SV2C: variants seen among roughly 807,000 people sequenced by gnomAD.
The protein encoded by SV2C is synaptic vesicle glycoprotein 2C, also known as solute carrier family 22 member B3.
In SV2C, 49 loss-of-function variants were observed where a neutral mutation model predicts 79.7. The ratio of observed to expected loss-of-function variants is 0.61; its 90% CI spans 0.49 to 0.78. SV2C has a LOEUF of 0.78. Among genes scored for constraint, SV2C ranks in the 30% least tolerant of loss-of-function variants. The probability of loss-of-function intolerance (pLI) is 0.00; values close to 1 mark genes in which losing one functional copy is unlikely to be tolerated. For synonymous variants in SV2C, 334 were observed against 333.2 expected, an observed-to-expected ratio of 1.00 and a Z score of -0.03; for missense variants, 833 against 912.9, an observed-to-expected ratio of 0.91 and a Z score of 1.13.
intron 1 of SV2C, among the ~76,000 whole-genome samples, chr5:76,093,503 C>T (rs1197678913): frequency 6.6e-6 from 1 of 152,202 alleles, no homozygotes; most frequent in Admixed American, 6.5e-5. Flanking sequence ...AATTCTAAGC[C>T]CCTCATGAGC....
chr5:76,309,614 A>C (rs1311073848), intron 12 of SV2C, among the ~76,000 whole-genome samples: 3 of 148,772 alleles, frequency 2.0e-5, no homozygotes, highest in East Asian at 3.9e-4. Flanking sequence ...AAAAAAAAAA[A>C]AAAAAAAAAA....
chr5:76,006,808 C>T, the SV2C span, among the ~76,000 whole-genome samples: 1 of 151,896 alleles, frequency 6.6e-6, no homozygotes, highest in Non-Finnish European at 1.5e-5. Flanking sequence ...CTCTGATATT[C>T]TACAGCTTCC....
chr5:76,188,776 G>A (rs2112315775), intron 2 of SV2C, among the ~76,000 whole-genome samples: 1 of 151,804 alleles, frequency 6.6e-6, no homozygotes, highest in East Asian at 2.0e-4. Context: ...AGATGTTACA[G>A]CCTACTTAGC....
chr5:76,021,232 C>A, the SV2C span, among the ~76,000 whole-genome samples: 1 of 152,138 alleles, frequency 6.6e-6, no homozygotes, highest in Non-Finnish European at 1.5e-5. Context: ...AACAATAATG[C>A]AAGTTATGTT....
the SV2C span, among the ~76,000 whole-genome samples, chr5:75,900,077 ATTG>A: frequency 6.6e-6 from 1 of 152,108 alleles, no homozygotes; most frequent in African/African-American, 2.4e-5. Flanking sequence ...TAAAGTTAAT[ATTG>A]TTATGTGTGA....
At chr5:75,952,691 T>C in the SV2C span, among the ~76,000 whole-genome samples, 3 of 151,808 alleles carry the variant, frequency 2.0e-5, no homozygotes, top group South Asian at 2.1e-4. Context: ...TCTTCCACCA[T>C]GGGTAAATGC....
intron 4 of SV2C, among the ~76,000 whole-genome samples, chr5:76,210,306 A>T (rs1744731749): frequency 6.6e-6 from 1 of 152,138 alleles, no homozygotes. Context: ...TTCAGAGGCC[A>T]ATTGTAAGTC....
intron 12 of SV2C, among the ~76,000 whole-genome samples, chr5:76,342,437 C>T (rs932076964): frequency 1.3e-5 from 2 of 152,160 alleles, no homozygotes; most frequent in African/African-American, 2.4e-5. Context: ...GTTTACAAAA[C>T]GGTGGTGGAG....
the SV2C span, among the ~76,000 whole-genome samples, chr5:75,860,283 AT>A: frequency 1.3e-5 from 2 of 152,142 alleles, no homozygotes; most frequent in Non-Finnish European, 2.9e-5. Context: ...ACACAATCCC[AT>A]TTACAATAGC....
chr5:76,241,333 A>G (rs1271395264), intron 4 of SV2C, among the ~76,000 whole-genome samples: 1 of 152,032 alleles, frequency 6.6e-6, no homozygotes, highest in Non-Finnish European at 1.5e-5. Flanking sequence ...TGGACTACCA[A>G]AAATCAGAAA....
At chr5:75,974,135 A>G in the SV2C span, among the ~76,000 whole-genome samples, 2 of 152,040 alleles carry the variant, frequency 1.3e-5, no homozygotes, top group Non-Finnish European at 2.9e-5. Flanking sequence ...CAATGAAACA[A>G]TAATGATCCT....
At chr5:76,309,894 G>A (rs1344737380) in intron 12 of SV2C, among the ~76,000 whole-genome samples, 1 of 152,116 alleles carries the variant, frequency 6.6e-6, no homozygotes, top group African/African-American at 2.4e-5. Context: ...AGGGACAGTG[G>A]GTCTGGGCTG....
At position 76,241,703 on chromosome 5, in the gene SV2C, T is replaced by C. The variant is rs1043996861; in HGVS notation, c.913+31816T>C. ...ACATAAAAACAAATTTGTTTTTCTA[T>C]ACCACAAGGCTTTTGTGCCAAGGTG... On this transcript the variant is annotated intron_variant, in intron 4 of 12. Transcript: ENST00000502798. 2.2e-4 allele frequency among the ~76,000 whole-genome samples: 34 copies of C among 152,096 alleles called. No individual in the cohort carries two copies. The Middle Eastern group carries it at 0.01, about 46-fold the overall frequency.
chr5:76,103,919 A>G (rs981225228), intron 1 of SV2C, among the ~76,000 whole-genome samples: 6 of 152,264 alleles, frequency 3.9e-5, no homozygotes, highest in Non-Finnish European at 7.3e-5. Context: ...TCAAGAAAAC[A>G]AAGCTACAGA....
intron 4 of SV2C, among the ~76,000 whole-genome samples, chr5:76,215,485 G>A (rs1002879135): frequency 3.5e-4 from 53 of 152,144 alleles, no homozygotes; most frequent in African/African-American, 1.1e-3. Flanking sequence ...TTTCAGTGAT[G>A]CATCTTTTAA....
upstream of SV2C, chr5:76,078,721 G>A: frequency 1.8e-6 from 1 of 545,076 alleles, no homozygotes; most frequent in South Asian, 1.6e-5. Context: ...AAAGCTGATG[G>A]CAAGACCATT....
intron 12 of SV2C, among the ~76,000 whole-genome samples, chr5:76,352,510 C>G (rs913090797): frequency 6.6e-6 from 1 of 152,204 alleles, no homozygotes; most frequent in East Asian, 1.9e-4. Flanking sequence ...AGTTCAGCCC[C>G]CTCTTTCTCT....
the SV2C span, among the ~76,000 whole-genome samples, chr5:76,060,003 T>C: frequency 6.6e-6 from 1 of 152,100 alleles, no homozygotes; most frequent in East Asian, 1.9e-4. Context: ...CAATGAGCAG[T>C]AACATTTTGA....
intron 1 of SV2C, among the ~76,000 whole-genome samples, chr5:76,100,486 C>T (rs974498411): frequency 2.6e-5 from 4 of 152,140 alleles, no homozygotes; most frequent in African/African-American, 4.8e-5. Context: ...CCTACTTTCT[C>T]TTCTTAACAG....
Sources: gnomAD v4.1 joint callset for allele counts (sites outside exome capture counted in the v4.1 genomes callset) on GRCh38, gnomAD v4.1.1 for gene constraint, MANE v1.5 for transcripts, NCBI Gene and HGNC (gene_info 2026-07-23, HGNC 2026-07-21) for gene names.